Variants in DENND1B observed in about 807,000 individuals in gnomAD.
DENND1B encodes the protein DENN domain-containing protein 1B.
Under a neutral mutation model 90.1 loss-of-function variants are expected in DENND1B, and 59 were observed. The observed-to-expected ratio is 0.65, with a 90% CI of 0.53 to 0.81. The LOEUF (loss-of-function observed/expected upper bound fraction) is 0.81, where lower values mean the gene tolerates loss of function less well. DENND1B is among the 40% of genes least tolerant of loss of function. The probability of loss-of-function intolerance (pLI) is 0.00; values close to 1 mark genes in which losing one functional copy is unlikely to be tolerated. For synonymous variants in DENND1B, 337 were observed against 324.6 expected (o/e 1.04, Z -0.41); for missense variants, 862 against 912.6 (o/e 0.94, Z 0.71).
At chr1:197,632,720 T>A (rs922142025) in intron 10 of DENND1B, among the ~76,000 whole-genome samples, 1 of 150,416 alleles carries the variant, frequency 6.6e-6, no homozygotes, top group Non-Finnish European at 1.5e-5. Flanking sequence ...TGGTTAACTA[T>A]TTTTAACTCC....
intron 20 of DENND1B, among the ~76,000 whole-genome samples, chr1:197,524,805 C>T (rs1034390576): frequency 2.0e-5 from 3 of 152,042 alleles, no homozygotes; most frequent in Non-Finnish European, 4.4e-5. Context: ...GTTCACAATG[C>T]ATTAAATGCT....
At chr1:197,588,266 C>T (rs1674887316) in intron 14 of DENND1B, among the ~76,000 whole-genome samples, 1 of 152,158 alleles carries the variant, frequency 6.6e-6, no homozygotes, top group Non-Finnish European at 1.5e-5. Flanking sequence ...GTATGCTGCT[C>T]AACTTCAGAG....
chr1:197,670,481 G>GTGTGTGTGTGTGTC (rs1375209919), intron 5 of DENND1B, among the ~76,000 whole-genome samples: 4 of 150,748 alleles, frequency 2.7e-5, no homozygotes, highest in Admixed American at 6.6e-5. Context: ...GTGTGTGTGT[G>GTGTGTGTGTGTGTC]TGTATTGAGA....
intron 1 of DENND1B, among the ~76,000 whole-genome samples, chr1:197,773,565 C>T (rs909969046): frequency 6.6e-6 from 1 of 152,234 alleles, no homozygotes; most frequent in Non-Finnish European, 1.5e-5. Flanking sequence ...AGGCTAGCAA[C>T]ATAAAAAGCC....
chr1:197,546,625 A>G, intron 17 of DENND1B, 108 bp downstream of exon 17: 1 of 948,394 alleles, frequency 1.1e-6, no homozygotes, highest in South Asian at 1.7e-5. Context: ...ATATACAAAC[A>G]TTTCAAATAT....
At chr1:197,738,947 G>A (rs1662963580) in intron 2 of DENND1B, among the ~76,000 whole-genome samples, 1 of 152,182 alleles carries the variant, frequency 6.6e-6, no homozygotes, top group Non-Finnish European at 1.5e-5. Flanking sequence ...GAGGTTGGAA[G>A]GCCAAAGCAT....
At chr1:197,694,407 TTAAC>T (rs1480776010) in intron 3 of DENND1B, among the ~76,000 whole-genome samples, 1 of 151,462 alleles carries the variant, frequency 6.6e-6, no homozygotes, top group Non-Finnish European at 1.5e-5. Flanking sequence ...CACTTCACAG[TTAAC>T]TAACTTTAAC....
intron 14 of DENND1B, among the ~76,000 whole-genome samples, chr1:197,591,429 A>G (rs1355049781): frequency 6.6e-6 from 1 of 152,210 alleles, no homozygotes; most frequent in East Asian, 1.9e-4. Context: ...GCAGCTTGCC[A>G]TTGACTTTTA....
rs1329928695 is a variant in DENND1B, at chr1:197,768,256, C to T, written c.82+4612G>A. On this transcript the variant is annotated intron_variant, in intron 2 of 22. Coordinates refer to ENST00000620048, the MANE Select transcript of DENND1B (RefSeq NM_001195215.2). ...TTCTCTTCCTCCTCCTCCTCCCTTT[C>T]CTCCTCCTCCTCCTCCTCCTACTAC... is the stretch of plus-strand genomic sequence containing the variant. 2.6e-5 allele frequency among the ~76,000 whole-genome samples: 4 copies of T among 150,958 alleles called. No homozygotes were observed. In the South Asian group the frequency reaches 6.3e-4, roughly 24 times the overall value.
At chr1:197,771,545 G>A (rs534964558) in intron 2 of DENND1B, among the ~76,000 whole-genome samples, 2 of 152,338 alleles carry the variant, frequency 1.3e-5, no homozygotes, top group East Asian at 3.9e-4. Flanking sequence ...TAGACCAGGA[G>A]TACAGTAGTA....
chr1:197,576,657 C>T (rs1673714081), intron 15 of DENND1B, among the ~76,000 whole-genome samples: 1 of 151,990 alleles, frequency 6.6e-6, no homozygotes. Flanking sequence ...CTAAACTGTG[C>T]CTGTCAGTGG....
At chr1:197,674,289 T>C (rs968358057) in intron 3 of DENND1B, 120 bp from the exon 4 acceptor site, 16 of 692,048 alleles carry the variant, frequency 2.3e-5, no homozygotes, top group Admixed American at 1.7e-4. Context: ...TTAAGAAAAA[T>C]AGCACAGGTT....
chr1:197,671,931 CT>C (rs1271107268), intron 5 of DENND1B, 105 bp downstream of exon 5: 6 of 1,169,262 alleles, frequency 5.1e-6, no homozygotes, highest in Non-Finnish European at 6.8e-6. Context: ...TATTTTTCAA[CT>C]TGTTTTTAAA....
chr1:197,594,398 C>T (rs1675501808), intron 14 of DENND1B, among the ~76,000 whole-genome samples: 1 of 152,106 alleles, frequency 6.6e-6, no homozygotes, highest in Non-Finnish European at 1.5e-5. Context: ...ATTTTACAAA[C>T]ATGAAGATCA....
chr1:197,543,247 T>G (rs1670477935), intron 18 of DENND1B, among the ~76,000 whole-genome samples: 1 of 152,162 alleles, frequency 6.6e-6, no homozygotes, highest in Admixed American at 6.5e-5. Context: ...AGAATAGAAT[T>G]TTTAATTTGA....
At chr1:197,557,668 T>C (rs1037229950) in intron 15 of DENND1B, among the ~76,000 whole-genome samples, 1 of 151,942 alleles carries the variant, frequency 6.6e-6, no homozygotes, top group African/African-American at 2.4e-5. Flanking sequence ...ATATTATATG[T>C]AGATGCATAT....
In DENND1B at chr1:197,736,071, C is replaced by T. The variant is rs1571554674; in HGVS notation, c.83-20997G>A. On this transcript the variant is annotated intron_variant, in intron 2 of 22. Transcript: ENST00000620048. ...CACCTAAGTAAATGATTGTGAAGCC[C>T]GTGAAAGTTTCAGTTCTCGAGTTGG... The T allele has an allele frequency of 3.0e-5, 25 of 826,986 alleles. No individual in the cohort carries two copies. The East Asian group carries it at 5.5e-4, about 18-fold the overall frequency. 51.2% of individuals were successfully genotyped at this position (826,986 alleles called of 1,614,324 possible). A position where few individuals can be genotyped will look rare whatever the true frequency, so the allele number is the denominator to read the frequency against.
chr1:197,772,871 C>T lies in DENND1B; in HGVS notation c.79G>A (p.Glu27Lys). 2 of 1,551,396 alleles carry T rather than the reference C, an allele frequency of 1.3e-6. No homozygotes were observed. Among genetic ancestry groups the T allele is most frequent in the Non-Finnish European group, 1.7e-6 (2 of 1,146,742 alleles). The change falls in exon 2 of 23, where the codon GAA becomes AAA. Residue 27 changes from glutamate to lysine, a missense_variant. By Grantham distance (56) the Glu-to-Lys change is moderately conservative. Coordinates refer to ENST00000620048, the MANE Select transcript of DENND1B (RefSeq NM_001195215.2). ...ACAGAACACAGAAGACACATACCTTCATTTTCAGAGGCATGACATTTCACT... is the reference window on the plus strand; with the variant it reads ...ACAGAACACAGAAGACACATACCTTTATTTTCAGAGGCATGACATTTCACT... ...LKVKCHASEN[E>K]DPVVLWKFPE...
chr1:197,661,400 C>T (rs1244055569), intron 5 of DENND1B, among the ~76,000 whole-genome samples: 2 of 151,968 alleles, frequency 1.3e-5, no homozygotes, highest in African/African-American at 4.8e-5. Flanking sequence ...TCATTTCAAA[C>T]TCACATTTCA....
Sources: allele counts gnomAD v4.1 joint callset (sites outside exome capture counted in the v4.1 genomes callset), GRCh38; gene constraint gnomAD v4.1.1; transcripts MANE v1.5; gene names NCBI Gene and HGNC (gene_info 2026-07-23, HGNC 2026-07-21).